The following ACYP2 variants were observed in gnomAD, a reference collection of about 807,000 sequenced individuals.
The protein encoded by ACYP2 is acylphosphatase-2.
Under a neutral mutation model 11.2 loss-of-function variants are expected in ACYP2, and 12 were observed. That is an observed-to-expected ratio of 1.08 (90% CI 0.69 to 1.74). The LOEUF (loss-of-function observed/expected upper bound fraction) is 1.74. ACYP2 is among the 40% of genes most tolerant of loss of function. ACYP2 has a pLI of 0.00. For missense variants in ACYP2, 134 were observed against 101.9 expected (o/e 1.31, Z -1.35); for synonymous variants, 43 against 32.2 (o/e 1.33, Z -1.13).
At chr2:54,171,198 G>A (rs562922164) in intron 6 of ACYP2, among the ~76,000 whole-genome samples, 1 of 152,214 alleles carries the variant, frequency 6.6e-6, no homozygotes, top group African/African-American at 2.4e-5. Context: ...ATTCCCAAAG[G>A]TTCACGCTGG....
At chr2:54,256,912 C>T (rs1485837131) in intron 6 of ACYP2, among the ~76,000 whole-genome samples, 1 of 152,164 alleles carries the variant, frequency 6.6e-6, no homozygotes, top group Admixed American at 6.5e-5. Flanking sequence ...GGTGATCCGC[C>T]CATCTTGGCC....
At chr2:54,160,647 TG>T (rs1312212867) in intron 6 of ACYP2, among the ~76,000 whole-genome samples, 1 of 152,212 alleles carries the variant, frequency 6.6e-6, no homozygotes, top group African/African-American at 2.4e-5. Context: ...ACGAAGGCAT[TG>T]AGCTGAAAGA....
At chr2:54,118,273 C>T (rs897721375) in intron 4 of ACYP2, among the ~76,000 whole-genome samples, 3 of 152,136 alleles carry the variant, frequency 2.0e-5, no homozygotes, top group Non-Finnish European at 2.9e-5. Context: ...CACCAAAACA[C>T]GTAATGTAAA....
chr2:54,250,847 T>A (rs1335200747), intron 6 of ACYP2, among the ~76,000 whole-genome samples: 1 of 152,212 alleles, frequency 6.6e-6, no homozygotes, highest in Non-Finnish European at 1.5e-5. Context: ...AATACTGTAA[T>A]TGTCTATAGC....
At chr2:54,174,164 G>T (rs549803128) in intron 6 of ACYP2, among the ~76,000 whole-genome samples, 1 of 152,192 alleles carries the variant, frequency 6.6e-6, no homozygotes, top group South Asian at 2.1e-4. Flanking sequence ...CTATCCATGA[G>T]CATGGAATGT....
At chr2:54,259,921 G>A (rs75999618) in intron 6 of ACYP2, among the ~76,000 whole-genome samples, 470 of 152,304 alleles carry the variant, frequency 3.1e-3, no homozygotes, top group African/African-American at 0.011. Context: ...TAGCTGGTGG[G>A]GAAATGGATC....
At chr2:54,097,865 TC>T (rs2103695612) in intron 4 of ACYP2, among the ~76,000 whole-genome samples, 1 of 100,762 alleles carries the variant, frequency 9.9e-6, no homozygotes, top group East Asian at 4.1e-4. Context: ...TTTCTTTCTT[TC>T]TCTTTCTCTC....
At chr2:54,120,787 G>T (rs896489101) in intron 4 of ACYP2, among the ~76,000 whole-genome samples, 3 of 152,204 alleles carry the variant, frequency 2.0e-5, no homozygotes, top group Non-Finnish European at 4.4e-5. Context: ...TACCTTGGAT[G>T]CTGGTGTCTG....
At chr2:54,193,831 G>T (rs1684339618) in intron 6 of ACYP2, among the ~76,000 whole-genome samples, 1 of 152,102 alleles carries the variant, frequency 6.6e-6, no homozygotes, top group Non-Finnish European at 1.5e-5. Context: ...AAGTAGTAAT[G>T]TATTAGAAAG....
At chr2:54,034,584 T>C (rs572468458) in intron 2 of ACYP2, among the ~76,000 whole-genome samples, 2 of 152,288 alleles carry the variant, frequency 1.3e-5, no homozygotes, top group African/African-American at 4.8e-5. Flanking sequence ...TCTAAGATGT[T>C]TGCACTACGA....
chr2:54,127,816 A>G (rs990216783), intron 4 of ACYP2, among the ~76,000 whole-genome samples: 6 of 151,858 alleles, frequency 4.0e-5, no homozygotes, highest in African/African-American at 1.5e-4. Flanking sequence ...ATGCAGACAA[A>G]TGACACATTT....
intron 6 of ACYP2, among the ~76,000 whole-genome samples, chr2:54,187,761 G>A (rs1399765723): frequency 2.6e-5 from 4 of 152,160 alleles, no homozygotes; most frequent in Admixed American, 6.5e-5. Flanking sequence ...CATAAGCCAA[G>A]CTCTCCTTTG....
chr2:54,126,458 G>A (rs1680511858), intron 4 of ACYP2, among the ~76,000 whole-genome samples: 1 of 152,146 alleles, frequency 6.6e-6, no homozygotes, highest in African/African-American at 2.4e-5. Context: ...AAGCCAGGAT[G>A]TCAAGAAATT....
At chr2:53,971,681 G>C (rs1470444057) in intron 1 of ACYP2, among the ~76,000 whole-genome samples, 1 of 152,196 alleles carries the variant, frequency 6.6e-6, no homozygotes, top group Non-Finnish European at 1.5e-5. Context: ...TGCTAGATAA[G>C]TACAAGAATC....
intron 1 of ACYP2, among the ~76,000 whole-genome samples, chr2:53,972,549 G>T (rs1003710574): frequency 6.6e-6 from 1 of 152,156 alleles, no homozygotes; most frequent in Non-Finnish European, 1.5e-5. Context: ...GGAGCTTGCA[G>T]TGAGCCGAGA....
At chr2:54,062,118 T>C (rs1676501218) in intron 4 of ACYP2, among the ~76,000 whole-genome samples, 1 of 152,176 alleles carries the variant, frequency 6.6e-6, no homozygotes, top group Non-Finnish European at 1.5e-5. Flanking sequence ...TTGGGTCTCA[T>C]AGAGCTCTAG....
rs1237359339 is a variant in ACYP2 at position 54,138,510 on chromosome 2, A to C, written c.295-129A>C. 15 of 633,638 alleles carry C rather than the reference A, an allele frequency of 2.4e-5. 1 individual carries two copies. In the Middle Eastern group the frequency reaches 1.4e-3, roughly 58 times the overall value. The allele number at this position is 633,638 out of a possible 1,614,324, so 39.3% of individuals were successfully genotyped here. On this transcript the variant is annotated intron_variant, in intron 5 of 6. Transcript: ENST00000607452. ...AAGTAGAGGTTACTGTAGGTCATCT[A>C]TACAATTGTTGGCATTGACTACAAA...
intron 6 of ACYP2, among the ~76,000 whole-genome samples, chr2:54,251,785 T>TTACTATTCGGTATAA (rs1687237910): frequency 6.6e-6 from 1 of 152,222 alleles, no homozygotes; most frequent in African/African-American, 2.4e-5. Context: ...ACAGGTTTAC[T>TTACTATTCGGTATAA]TACTATTCGG....
At chr2:54,188,471 A>T (rs1198552802) in intron 6 of ACYP2, among the ~76,000 whole-genome samples, 1 of 152,242 alleles carries the variant, frequency 6.6e-6, no homozygotes. Flanking sequence ...CAGTAGATAT[A>T]ATATTCGAAC....
Sources: gnomAD v4.1 joint callset for allele counts (sites outside exome capture counted in the v4.1 genomes callset) on GRCh38, gnomAD v4.1.1 for gene constraint, MANE v1.5 for transcripts, NCBI Gene and HGNC (gene_info 2026-07-23, HGNC 2026-07-21) for gene names.